MOK: variants seen among roughly 807,000 people sequenced by gnomAD.
The protein encoded by MOK is MAPK/MAK/MRK overlapping kinase.
MOK carries 59 observed loss-of-function variants against 54.2 expected under a neutral mutation model. That is an observed-to-expected ratio of 1.09 (90% CI 0.88 to 1.35). The LOEUF (loss-of-function observed/expected upper bound fraction) is 1.35. MOK is among the 40% of genes most tolerant of loss of function. The pLI, the probability that MOK is intolerant of heterozygous loss-of-function variation, is 0.00. For missense variants in MOK, 517 were observed against 526.2 expected, an observed-to-expected ratio of 0.98 and a Z score of 0.17; for synonymous variants, 210 against 202.7, an observed-to-expected ratio of 1.04 and a Z score of -0.31.
chr14:102,266,685 C>T (rs1055254359), intron 2 of MOK, among the ~76,000 whole-genome samples: 2 of 152,076 alleles, frequency 1.3e-5, no homozygotes, highest in Non-Finnish European at 2.9e-5. Context: ...CGGGTTCAAG[C>T]GATTCTCCTG....
At chr14:102,286,380 G>C (rs2070098959) in intron 1 of MOK, among the ~76,000 whole-genome samples, 1 of 151,348 alleles carries the variant, frequency 6.6e-6, no homozygotes, top group Non-Finnish European at 1.5e-5. Context: ...CCAGCACTTT[G>C]GGAGGCCAAG....
intron 1 of MOK, among the ~76,000 whole-genome samples, chr14:102,304,315 T>A (rs2072546149): frequency 2.0e-5 from 3 of 152,208 alleles, no homozygotes; most frequent in Admixed American, 2.0e-4. Flanking sequence ...GCACTTGGAT[T>A]GTCAATAATC....
At position 102,229,722 on chromosome 14, in the gene MOK, CGA is replaced by C. The variant is rs1491291934; in HGVS notation, c.982-67_982-66del. ...TCTGCTTTATGGAAATTAGGAAAAA[CGA>C]AAGAGGCTCTTTTGTACTGCTTTTG... On this transcript the variant is annotated intron_variant, in intron 10 of 11. Transcript: ENST00000361847. 3.6e-6 allele frequency: 5 copies of C among 1,394,750 alleles called. No individual in the cohort carries two copies. The African/African-American group carries it at 5.8e-5, about 16-fold the overall frequency. 86.4% of individuals were successfully genotyped at this position (1,394,750 alleles called of 1,614,324 possible).
chr14:102,302,087 CT>C (rs1165298757), intron 1 of MOK, among the ~76,000 whole-genome samples: 397 of 125,290 alleles, frequency 3.2e-3, no homozygotes, highest in Admixed American at 5.4e-3. Flanking sequence ...CACACATATA[CT>C]TTTTTTTTTT....
chr14:102,232,611 C>A lies in MOK; in HGVS notation c.790G>T (p.Ala264Ser), dbSNP rs145179674. 13 of 1,614,030 alleles carry A rather than the reference C, an allele frequency of 8.1e-6. No individual in the cohort carries two copies. The highest frequency in any genetic ancestry group is 3.3e-5 in the South Asian group (3 of 91,078). ...LSPQCLSLLHAMVAYDPDERI... is the reference protein window; with the variant it reads ...LSPQCLSLLHSMVAYDPDERI... Reference sequence around the variant, plus strand: ...TCATCGGGATCATAGGCCACCATTGCGTGCAGGAGGGAGAGGCATTGTGGG... The same window carrying A: ...TCATCGGGATCATAGGCCACCATTGAGTGCAGGAGGGAGAGGCATTGTGGG... The change falls in exon 9 of 12, where the codon GCA (alanine) becomes TCA (serine). Residue 264 changes from alanine to serine, a missense_variant. Transcript: ENST00000361847. This position sits in a 1 kb window ranked among gnomAD's most constrained non-coding sequence, Gnocchi z 5.1.
rs779915669 is a variant in MOK, at chr14:102,297,877, C to T, written c.7+7085G>A. Reference sequence around the variant, plus strand: ...CGGATACCCTGCAGTGCCGGCCCACCGGCCCTGCCTGTGCTCAAATTCTTT... The same window carrying T: ...CGGATACCCTGCAGTGCCGGCCCACTGGCCCTGCCTGTGCTCAAATTCTTT... On this transcript the variant is annotated intron_variant, in intron 1 of 11. Coordinates refer to ENST00000361847, the MANE Select transcript of MOK (RefSeq NM_014226.3). Among the ~76,000 whole-genome samples, 26 of 152,200 alleles carry T rather than the reference C, an allele frequency of 1.7e-4. 1 individual carries two copies. The highest frequency in any genetic ancestry group is 7.4e-5 in the Non-Finnish European group (5 of 68,016).
intron 6 of MOK, 192 bp downstream of exon 6, chr14:102,251,564 A>G (rs1404545413): frequency 4.5e-6 from 3 of 661,068 alleles, no homozygotes; most frequent in Non-Finnish European, 8.4e-6. Context: ...TTCCAGGTGC[A>G]GTCAGTTATG....
intron 7 of MOK, among the ~76,000 whole-genome samples, chr14:102,242,195 A>C (rs2065775941): frequency 6.6e-6 from 1 of 152,074 alleles, no homozygotes; most frequent in Non-Finnish European, 1.5e-5. Flanking sequence ...TCCCCTTCTT[A>C]ATCAATACGG....
intron 1 of MOK, among the ~76,000 whole-genome samples, chr14:102,290,397 G>A (rs1008488715): frequency 6.6e-6 from 1 of 151,468 alleles, no homozygotes; most frequent in East Asian, 1.9e-4. Context: ...CCGAGATCAC[G>A]CCACTGCACT....
chr14:102,214,986 G>A, the MOK span: 33 of 984,532 alleles, frequency 3.4e-5, no homozygotes, highest in South Asian at 1.2e-3. Flanking sequence ...TTAAATAAAC[G>A]TGTGTGAGTG....
At chr14:102,272,454 G>A (rs2068455734) in intron 2 of MOK, among the ~76,000 whole-genome samples, 2 of 151,610 alleles carry the variant, frequency 1.3e-5, no homozygotes, top group Non-Finnish European at 2.9e-5. Context: ...TCCAGCCTGT[G>A]CAACACAGCA....
chr14:102,246,919 C>G (rs1489000983), intron 7 of MOK, among the ~76,000 whole-genome samples: 1 of 152,160 alleles, frequency 6.6e-6, no homozygotes, highest in African/African-American at 2.4e-5. Flanking sequence ...CTCCACCGAA[C>G]AGACTACTCT....
At chr14:102,300,813 T>G (rs1027846949) in intron 1 of MOK, among the ~76,000 whole-genome samples, 3 of 152,166 alleles carry the variant, frequency 2.0e-5, no homozygotes, top group African/African-American at 7.2e-5. Context: ...AAGATGAATG[T>G]GGGCTGGGCA....
downstream of MOK, chr14:102,223,305 T>C (rs2064116619): frequency 6.5e-6 from 1 of 152,844 alleles, no homozygotes; most frequent in African/African-American, 2.4e-5. Context: ...GAAGACAACC[T>C]TGAATGCACT....
Position 102,231,912 on chromosome 14 carries a change from G to C in MOK, c.867-91C>G. 4.8e-6 allele frequency: 5 copies of C among 1,040,838 alleles called. No individual in the cohort carries two copies. Among genetic ancestry groups the C allele is most frequent in the Non-Finnish European group, 7.1e-6 (5 of 699,642 alleles). The allele number at this position is 1,040,838 out of a possible 1,614,324, so 64.5% of individuals were successfully genotyped here. A position where few individuals can be genotyped will look rare whatever the true frequency, so the allele number is the denominator to read the frequency against. The stretch of plus-strand genomic sequence containing the variant: ...CTTCTTTGTCTCCAATTTGTCTACT[G>C]TGTGAGTTGTCACTAGCTCTTCTTT... On this transcript the variant is annotated intron_variant, in intron 9 of 11. Coordinates refer to ENST00000361847, the MANE Select transcript of MOK (RefSeq NM_014226.3). The surrounding 1 kb of genome is among the most constrained non-coding windows in gnomAD (Gnocchi z 4.4).
At chr14:102,275,010 A>G (rs1431147583) in intron 2 of MOK, among the ~76,000 whole-genome samples, 1 of 152,002 alleles carries the variant, frequency 6.6e-6, no homozygotes, top group Non-Finnish European at 1.5e-5. Flanking sequence ...GACTTTTAGT[A>G]TCTGACTTCA....
At chr14:102,300,972 A>G (rs2072124905) in intron 1 of MOK, among the ~76,000 whole-genome samples, 1 of 152,038 alleles carries the variant, frequency 6.6e-6, no homozygotes, top group Non-Finnish European at 1.5e-5. Flanking sequence ...TGGTGCGCCT[A>G]AAATCCCAGC....
chr14:102,230,037 T>TTTTGTTTG lies in MOK; in HGVS notation c.982-388_982-381dup. The stretch of plus-strand genomic sequence containing the variant: ...TAAGGATGGTTTTACATTTGGGGTT[T>TTTTGTTTG]TTTGTTTGTTTGTTTGTTTTGAGAC... On this transcript the variant is annotated intron_variant, in intron 10 of 11. Transcript: ENST00000361847. The surrounding 1 kb of genome is among the most constrained non-coding windows in gnomAD (Gnocchi z 4.1). The TTTTGTTTG allele has an allele frequency of 4.6e-6, 1 of 216,308 alleles. No homozygotes were observed. Among genetic ancestry groups the TTTTGTTTG allele is most frequent in the Non-Finnish European group, 9.3e-6 (1 of 108,080 alleles). 13.4% of individuals were successfully genotyped at this position (216,308 alleles called of 1,614,324 possible). A position where few individuals can be genotyped will look rare whatever the true frequency, so the allele number is the denominator to read the frequency against.
rs148877828 is a variant in MOK at position 102,295,474 on chromosome 14, G to A, written c.7+9488C>T. ...GTTTATAAAGTTCTTAATCAGGGTG[G>A]GTGACAGGCATCAGAGCTATGGGGC... On this transcript the variant is annotated intron_variant, in intron 1 of 11. Coordinates refer to ENST00000361847, the MANE Select transcript of MOK (RefSeq NM_014226.3). Among the ~76,000 whole-genome samples the A allele has an allele frequency of 3.4e-4, 52 of 152,222 alleles. No individual in the cohort carries two copies. The East Asian group carries it at 7.9e-3, about 23-fold the overall frequency.
Sources: allele counts gnomAD v4.1 joint callset (sites outside exome capture counted in the v4.1 genomes callset), GRCh38; gene constraint gnomAD v4.1.1; non-coding constraint Gnocchi (gnomAD v3.1); transcripts MANE v1.5; gene names NCBI Gene and HGNC (gene_info 2026-07-23, HGNC 2026-07-21).